The following CLNK variants were observed in gnomAD, a reference collection of about 807,000 sequenced individuals.
The protein encoded by CLNK is cytokine dependent hematopoietic cell linker, also known as cytokine-dependent hematopoietic cell linker.
CLNK carries 74 observed loss-of-function variants against 68.6 expected under a neutral mutation model. That is an observed-to-expected ratio of 1.08 (90% CI 0.89 to 1.31). CLNK has a LOEUF of 1.31. Among genes scored for constraint, CLNK ranks in the 50% most tolerant of loss-of-function variants. CLNK has a pLI of 0.00. For missense variants in CLNK, 553 were observed against 515.3 expected, an observed-to-expected ratio of 1.07 and a Z score of -0.71; for synonymous variants, 198 against 172.2, an observed-to-expected ratio of 1.15 and a Z score of -1.17.
the CLNK span, among the ~76,000 whole-genome samples, chr4:10,727,924 T>C: frequency 1.2e-4 from 18 of 152,240 alleles, no homozygotes; most frequent in Non-Finnish European, 2.6e-4. Flanking sequence ...TTAGCAATTT[T>C]TTTTAACAAG....
At chr4:10,612,526 C>T (rs1325992134) in intron 2 of CLNK, among the ~76,000 whole-genome samples, 1 of 152,216 alleles carries the variant, frequency 6.6e-6, no homozygotes, top group East Asian at 1.9e-4. Context: ...AGCTGCACAA[C>T]AGTAAACACC....
At chr4:10,641,385 A>G (rs1267630266) in intron 2 of CLNK, among the ~76,000 whole-genome samples, 1 of 152,176 alleles carries the variant, frequency 6.6e-6, no homozygotes, top group Non-Finnish European at 1.5e-5. Flanking sequence ...TGCACTAAGG[A>G]TGCAGAATGA....
chr4:10,683,926 G>C (rs1725177715), intron 1 of CLNK, among the ~76,000 whole-genome samples: 1 of 152,132 alleles, frequency 6.6e-6, no homozygotes, highest in South Asian at 2.1e-4. Flanking sequence ...AGCCAAATGA[G>C]TAACACTGGT....
At chr4:10,504,355 C>T (rs913286642) in intron 17 of CLNK, among the ~76,000 whole-genome samples, 2 of 151,908 alleles carry the variant, frequency 1.3e-5, no homozygotes, top group East Asian at 3.9e-4. Context: ...CTCCTGACCT[C>T]GAGATTCGCC....
At chr4:10,656,480 G>A (rs1723994015) in intron 2 of CLNK, 1 of 151,962 alleles carries the variant, frequency 6.6e-6, no homozygotes, top group African/African-American at 2.4e-5. Flanking sequence ...CTATACTATA[G>A]TCAAAAAATA....
At chr4:10,533,684 G>A (rs2108803837) in intron 11 of CLNK, among the ~76,000 whole-genome samples, 1 of 152,304 alleles carries the variant, frequency 6.6e-6, no homozygotes, top group East Asian at 1.9e-4. Flanking sequence ...AACACCCAGA[G>A]TATTAATTAT....
chr4:10,624,593 G>GTTTTTTTTTTTTTTTTTTT (rs10559473), intron 2 of CLNK, among the ~76,000 whole-genome samples: 1 of 122,888 alleles, frequency 8.1e-6, no homozygotes. Context: ...CGCCCGGCCA[G>GTTTTTTTTTTTTTTTTTTT]TTTTTTTTTT....
chr4:10,493,152 ACCAAAAATATAAAAAATTAG>A (rs1716651091), intron 18 of CLNK, among the ~76,000 whole-genome samples: 1 of 152,094 alleles, frequency 6.6e-6, no homozygotes, highest in Non-Finnish European at 1.5e-5. Context: ...TCCCCTCTCT[ACCAAAAATATAAAAAATTAG>A]CCGGGCATGG....
the CLNK span, among the ~76,000 whole-genome samples, chr4:10,710,354 A>G: frequency 0.8 from 121,693 of 152,058 alleles, 49,051 homozygotes; most frequent in Admixed American, 0.86. Context: ...GGGGTCCTTC[A>G]ATCACAATTA....
At chr4:10,522,340 G>A (rs546398403) in intron 14 of CLNK, among the ~76,000 whole-genome samples, 4 of 151,660 alleles carry the variant, frequency 2.6e-5, no homozygotes. Flanking sequence ...TTGGGAGGCC[G>A]AGGTGAGCAG....
At chr4:10,510,711 C>T (rs568253862) in intron 16 of CLNK, among the ~76,000 whole-genome samples, 151 of 152,302 alleles carry the variant, frequency 9.9e-4, no homozygotes, top group African/African-American at 3.5e-3. Context: ...ACAATGAGAA[C>T]TTTGGTCTCC....
chr4:10,568,864 T>C (rs1720228314), intron 5 of CLNK, among the ~76,000 whole-genome samples: 1 of 152,176 alleles, frequency 6.6e-6, no homozygotes, highest in African/African-American at 2.4e-5. Context: ...TGTGCGATAA[T>C]AAATGGTCAA....
chr4:10,496,463 T>C (rs1716813096), intron 18 of CLNK, among the ~76,000 whole-genome samples: 1 of 152,192 alleles, frequency 6.6e-6, no homozygotes, highest in African/African-American at 2.4e-5. Flanking sequence ...GTCTTCCTCT[T>C]ACACAGGGCA....
intron 8 of CLNK, among the ~76,000 whole-genome samples, chr4:10,548,491 G>T (rs1024507658): frequency 6.6e-6 from 1 of 152,178 alleles, no homozygotes; most frequent in Admixed American, 6.5e-5. Context: ...TTGCTGTGGA[G>T]AAGCTTTTTA....
At chr4:10,712,166 G>A in the CLNK span, among the ~76,000 whole-genome samples, 1 of 152,154 alleles carries the variant, frequency 6.6e-6, no homozygotes, top group South Asian at 2.1e-4. Context: ...TTTATTGTGA[G>A]ACCTTTACCC....
chr4:10,527,032 G>A (rs150403877), intron 13 of CLNK, among the ~76,000 whole-genome samples: 17 of 152,312 alleles, frequency 1.1e-4, no homozygotes, highest in Non-Finnish European at 2.2e-4. Context: ...TCGAAGGACC[G>A]TGATTACTTG....
chr4:10,592,038 C>T (rs1721196606), intron 3 of CLNK, among the ~76,000 whole-genome samples: 2 of 152,380 alleles, frequency 1.3e-5, no homozygotes, highest in South Asian at 4.1e-4. Flanking sequence ...CCCACCTCCT[C>T]AGACCCTGCC....
At chr4:10,720,180 C>T in the CLNK span, among the ~76,000 whole-genome samples, 2 of 151,520 alleles carry the variant, frequency 1.3e-5, no homozygotes, top group Non-Finnish European at 2.9e-5. Flanking sequence ...CAAAGGAAGC[C>T]GAGAGAAGAA....
chr4:10,504,199 C>A (rs570396641), intron 17 of CLNK, among the ~76,000 whole-genome samples: 1 of 139,472 alleles, frequency 7.2e-6, no homozygotes, highest in Admixed American at 8.0e-5. Flanking sequence ...CGGCTCACTG[C>A]AAGCTCCGCC....
Sources: allele counts gnomAD v4.1 joint callset (sites outside exome capture counted in the v4.1 genomes callset), GRCh38; gene constraint gnomAD v4.1.1; transcripts MANE v1.5; gene names NCBI Gene and HGNC (gene_info 2026-07-23, HGNC 2026-07-21).